NBN: variants seen among roughly 807,000 people sequenced by gnomAD.
The protein encoded by NBN is Nijmegen breakage syndrome 1 (nibrin).
Under a neutral mutation model 90.8 loss-of-function variants are expected in NBN, and 88 were observed. That is an observed-to-expected ratio of 0.97 (90% confidence interval 0.82 to 1.16). The LOEUF (loss-of-function observed/expected upper bound fraction) is 1.16, where lower values mean the gene tolerates loss of function less well. NBN is among the 50% of genes most tolerant of loss of function. The pLI is 0.00. For synonymous variants in NBN, 328 were observed against 295.1 expected (o/e 1.11, Z -1.14); for missense variants, 894 against 869.6 (o/e 1.03, Z -0.35).
chr8:89,955,045 G>A (rs1421806812), intron 10 of NBN, among the ~76,000 whole-genome samples: 1 of 152,046 alleles, frequency 6.6e-6, no homozygotes, highest in East Asian at 1.9e-4. Context: ...TCTTATTGAA[G>A]AGAATTGCGG....
chr8:89,940,000 A>T (rs1487593501), intron 14 of NBN, among the ~76,000 whole-genome samples: 1 of 152,206 alleles, frequency 6.6e-6, no homozygotes, highest in East Asian at 1.9e-4. Context: ...ACTAGATGGG[A>T]TATGCCATGT....
rs1554567838 is a variant in NBN at position 89,980,719 on chromosome 8, A to G, written c.480+15T>C. 1.3e-6 allele frequency: 2 copies of G among 1,599,420 alleles called. No homozygotes were observed. Among genetic ancestry groups the G allele is most frequent in the Admixed American group, 1.7e-5 (1 of 59,994 alleles). The stretch of plus-strand genomic sequence containing the variant: ...ATAACTTATTTTTAACATAAGAACA[A>G]GACATTCAACCTACTTTAATGGTAA... On this transcript the variant is annotated intron_variant, in intron 4 of 15. Coordinates refer to ENST00000265433, the MANE Select transcript of NBN (RefSeq NM_002485.5).
chr8:89,974,597 T>C (rs899634700), intron 5 of NBN, among the ~76,000 whole-genome samples: 7 of 152,108 alleles, frequency 4.6e-5, no homozygotes, highest in African/African-American at 1.4e-4. Flanking sequence ...GCAGGTCTCC[T>C]CTCTGACCAA....
chr8:89,959,030 G>A (rs546469781), intron 8 of NBN, 176 bp from the exon 9 acceptor site: 11 of 279,380 alleles, frequency 3.9e-5, no homozygotes, highest in East Asian at 1.8e-4. Flanking sequence ...AGCAGCCTGC[G>A]GGCATCTATG....
chr8:89,956,596 G>A (rs958999684), intron 9 of NBN, among the ~76,000 whole-genome samples: 3 of 152,026 alleles, frequency 2.0e-5, no homozygotes, highest in African/African-American at 4.8e-5. Context: ...GCAACATCAC[G>A]CAATACAAAT....
intron 5 of NBN, among the ~76,000 whole-genome samples, chr8:89,971,685 C>T (rs183121484): frequency 5.6e-4 from 85 of 152,242 alleles, no homozygotes; most frequent in Non-Finnish European, 1.1e-3. Context: ...TCTATTAAAA[C>T]GCTCATGTTT....
chr8:89,970,117 T>C (rs1200071905), intron 7 of NBN, among the ~76,000 whole-genome samples: 2 of 151,332 alleles, frequency 1.3e-5, no homozygotes, highest in African/African-American at 4.9e-5. Flanking sequence ...GGTGTGGTGG[T>C]GGGTGCCTAT....
chr8:89,953,797 A>C (rs1363780643), intron 10 of NBN, 106 bp from the exon 11 acceptor site: 4 of 832,634 alleles, frequency 4.8e-6, no homozygotes, highest in Non-Finnish European at 5.7e-6. Context: ...TTCACAATGT[A>C]CTCTTGATTT....
At chr8:89,957,111 ATAACTT>A (rs1810754793) in intron 9 of NBN, among the ~76,000 whole-genome samples, 2 of 152,198 alleles carry the variant, frequency 1.3e-5, no homozygotes, top group Non-Finnish European at 1.5e-5. Flanking sequence ...TATAAAAAAA[ATAACTT>A]TAAAACAGTC....
chr8:89,974,243 C>CTA (rs1380199841), intron 5 of NBN, among the ~76,000 whole-genome samples: 6 of 135,198 alleles, frequency 4.4e-5, no homozygotes, highest in African/African-American at 1.7e-4. Context: ...GAACCATTTA[C>CTA]TATATGGCTT....
At position 89,946,136 on chromosome 8, in the gene NBN, C is replaced by T. The variant is rs876660950; in HGVS notation, c.2070+4G>A. 11 of 1,563,376 alleles carry T rather than the reference C, an allele frequency of 7.0e-6. No homozygotes were observed. The Admixed American group carries it at 1.8e-4, about 26-fold the overall frequency. ...ACCTCTTGTGATACAGTTGAAATAC[C>T]TACCTTTTTGAATTTCTTGAAATTT... On this transcript the variant is annotated splice_donor_region_variant and intron_variant, in intron 13 of 15. Transcript: ENST00000265433.
At chr8:89,947,666 A>C (rs1810256698) in intron 12 of NBN, among the ~76,000 whole-genome samples, 158 bp downstream of exon 12, 2 of 151,960 alleles carry the variant, frequency 1.3e-5, no homozygotes, top group South Asian at 4.1e-4. Flanking sequence ...AAATAATAAT[A>C]ATAATAATAC....
chr8:89,981,429 C>G lies in NBN; in HGVS notation c.266G>C (p.Arg89Pro), dbSNP rs747315554. 99 of 1,613,884 alleles carry G rather than the reference C, an allele frequency of 6.1e-5. No homozygotes were observed. The highest frequency in any genetic ancestry group is 4.3e-4 in the Admixed American group (26 of 60,000). ...AATACCATCCCCCGACTTCAAAGTT[C>G]GGGAAAAGCCATTCTGCATTTTTTC... The part of the protein sequence containing the change: ...NEEKMQNGFS[R>P]TLKSGDGITF... Residue 89 changes from arginine (R) to proline (P), a missense_variant, in exon 3 of 16, where the codon CGA becomes CCA. By Grantham distance (103) the Arg-to-Pro change is moderately radical. Coordinates refer to ENST00000265433, the MANE Select transcript of NBN (RefSeq NM_002485.5).
chr8:89,944,781 A>G (rs1586038135), intron 13 of NBN, among the ~76,000 whole-genome samples: 1 of 152,240 alleles, frequency 6.6e-6, no homozygotes, highest in East Asian at 1.9e-4. Context: ...GGGTTTCACC[A>G]TATTGCCCAG....
chr8:89,951,269 G>A (rs560578886), intron 11 of NBN, among the ~76,000 whole-genome samples: 6 of 132,930 alleles, frequency 4.5e-5, no homozygotes, highest in South Asian at 2.4e-4. Flanking sequence ...CGGAGATCAC[G>A]CCACTGAACT....
intron 2 of NBN, chr8:89,981,824 G>T: frequency 1.8e-6 from 1 of 562,432 alleles, no homozygotes; most frequent in Non-Finnish European, 2.8e-6. Flanking sequence ...CTTTGGTGCA[G>T]TCTGTTTCAT....
At chr8:89,936,859 A>G (rs1242268466) in intron 15 of NBN, among the ~76,000 whole-genome samples, 167 bp downstream of exon 15, 2 of 152,236 alleles carry the variant, frequency 1.3e-5, no homozygotes, top group East Asian at 3.8e-4. Context: ...GCTATAGCCA[A>G]TAAACCCAAT....
At chr8:89,953,829 T>C in intron 10 of NBN, 138 bp from the exon 11 acceptor site, 1 of 712,182 alleles carries the variant, frequency 1.4e-6, no homozygotes, top group Non-Finnish European at 2.3e-6. Context: ...TTACTGGAAA[T>C]CAACAAATAG....
chr8:89,955,755 CTCT>C (rs1255062890), intron 9 of NBN, among the ~76,000 whole-genome samples, 200 bp from the exon 10 acceptor site: 3 of 152,114 alleles, frequency 2.0e-5, no homozygotes, highest in Admixed American at 2.0e-4. Context: ...TGATACCTTA[CTCT>C]TCTTCACCCC....
Sources: allele counts gnomAD v4.1 joint callset (sites outside exome capture counted in the v4.1 genomes callset), GRCh38; gene constraint gnomAD v4.1.1; transcripts MANE v1.5; gene names NCBI Gene and HGNC (gene_info 2026-07-23, HGNC 2026-07-21).